Variants in ITGA9 observed in about 807,000 individuals in gnomAD.
ITGA9 encodes integrin subunit alpha 9.
A neutral mutation model predicts 127.8 loss-of-function variants in ITGA9; 56 were observed. That is an observed-to-expected ratio of 0.44 (90% CI 0.35 to 0.55). The LOEUF is 0.55. Among genes scored for constraint, ITGA9 ranks in the 20% least tolerant of loss-of-function variants. The probability of loss-of-function intolerance (pLI) is 0.00; values close to 1 mark genes in which losing one functional copy is unlikely to be tolerated. For synonymous variants in ITGA9, 508 were observed against 514.5 expected, an observed-to-expected ratio of 0.99 and a Z score of 0.17; for missense variants, 1,196 against 1,347.1, an observed-to-expected ratio of 0.89 and a Z score of 1.76.
At chr3:37,513,706 G>A (rs1055005637) in intron 8 of ITGA9, 57 bp from the exon 9 acceptor site, 17 of 1,610,658 alleles carry the variant, frequency 1.1e-5, no homozygotes, top group South Asian at 3.3e-5. Context: ...GAAAGCGAGG[G>A]CATCCTTGTG....
intron 18 of ITGA9, among the ~76,000 whole-genome samples, chr3:37,731,270 T>G (rs1305075712): frequency 6.6e-6 from 1 of 152,110 alleles, no homozygotes; most frequent in African/African-American, 2.4e-5. Context: ...CAGGCTGGAG[T>G]GCAGTGGCAC....
At chr3:37,479,008 C>T (rs541725778) in intron 3 of ITGA9, among the ~76,000 whole-genome samples, 41 of 152,254 alleles carry the variant, frequency 2.7e-4, no homozygotes, top group South Asian at 2.1e-3. Flanking sequence ...GATAAACATC[C>T]GCCTCTTTTC....
At chr3:37,716,719 C>G (rs1176706073) in intron 18 of ITGA9, among the ~76,000 whole-genome samples, 2 of 151,304 alleles carry the variant, frequency 1.3e-5, no homozygotes, top group Non-Finnish European at 2.9e-5. Context: ...TAGATCTTAT[C>G]CATTGCCATA....
chr3:37,512,060 C>G (rs1045665672), intron 8 of ITGA9, among the ~76,000 whole-genome samples: 25 of 51,576 alleles, frequency 4.8e-4, no homozygotes, highest in Admixed American at 1.3e-3. Flanking sequence ...TTCTTTCTTT[C>G]TTTCTTTCTT....
intron 15 of ITGA9, among the ~76,000 whole-genome samples, chr3:37,623,748 T>C (rs1700149773): frequency 6.6e-6 from 1 of 152,046 alleles, no homozygotes; most frequent in Admixed American, 6.6e-5. Context: ...GGGAGGACGG[T>C]TTCAGTAAGT....
At chr3:37,723,973 A>C (rs1253481876) in intron 18 of ITGA9, among the ~76,000 whole-genome samples, 1 of 152,206 alleles carries the variant, frequency 6.6e-6, no homozygotes, top group African/African-American at 2.4e-5. Context: ...TATGTCACTC[A>C]TTGGAAATTA....
At chr3:37,759,136 A>G (rs1009758404) in intron 23 of ITGA9, among the ~76,000 whole-genome samples, 3 of 151,980 alleles carry the variant, frequency 2.0e-5, no homozygotes, top group Admixed American at 2.0e-4. Context: ...TACATGCAAT[A>G]TATATTTTGC....
chr3:37,465,094 G>A (rs927593662), intron 1 of ITGA9, among the ~76,000 whole-genome samples: 4 of 152,242 alleles, frequency 2.6e-5, no homozygotes, highest in Non-Finnish European at 5.9e-5. Context: ...TTAATCCCCA[G>A]TTGCTGTCCT....
At chr3:37,540,815 C>T (rs926481011) in intron 14 of ITGA9, among the ~76,000 whole-genome samples, 7 of 152,192 alleles carry the variant, frequency 4.6e-5, no homozygotes, top group South Asian at 2.1e-4. Context: ...GAGCACTTTC[C>T]TGTATGCATT....
At chr3:37,642,081 G>A (rs955876550) in intron 16 of ITGA9, among the ~76,000 whole-genome samples, 4 of 152,006 alleles carry the variant, frequency 2.6e-5, no homozygotes, top group African/African-American at 9.7e-5. Flanking sequence ...GGGACCACTG[G>A]TGTGTGCCAC....
chr3:37,611,163 C>T (rs543997687), intron 15 of ITGA9, among the ~76,000 whole-genome samples: 22 of 152,268 alleles, frequency 1.4e-4, no homozygotes, highest in Admixed American at 9.8e-4. Context: ...TGCACCAGTG[C>T]CTTCCTATTG....
At chr3:37,648,080 A>T (rs1700396719) in intron 16 of ITGA9, among the ~76,000 whole-genome samples, 1 of 151,786 alleles carries the variant, frequency 6.6e-6, no homozygotes, top group Non-Finnish European at 1.5e-5. Flanking sequence ...TTCTATTTTT[A>T]TTTTTTTTGA....
chr3:37,774,054 G>T (rs2685094), intron 23 of ITGA9, among the ~76,000 whole-genome samples: 149,639 of 152,324 alleles, frequency 0.98, 73,555 homozygotes, highest in Middle Eastern at 1. Context: ...GCCTAATTTA[G>T]TTGAAATGCA....
Position 37,788,912 on chromosome 3 carries a change from A to G in ITGA9, c.2889+3834A>G, listed in dbSNP as rs139011234. Among the ~76,000 whole-genome samples, 507 of 152,252 alleles carry G rather than the reference A, an allele frequency of 3.3e-3. 5 individuals are homozygous for G. Among genetic ancestry groups the G allele is most frequent in the African/African-American group, 0.012 (483 of 41,550 alleles). On this transcript the variant is annotated intron_variant, in intron 26 of 27. Coordinates refer to ENST00000264741, the MANE Select transcript of ITGA9 (RefSeq NM_002207.3). ...CCTGCCTCTGAAGGCCACGGGACTT[A>G]CCTGTTTGTTTGTCAAAGCAGAAAT...
Position 37,821,039 on chromosome 3 carries a change from G to C in ITGA9, c.*2050G>C, listed in dbSNP as rs1229230365. On this transcript the variant is annotated 3_prime_UTR_variant, in exon 28 of 28. Transcript: ENST00000264741. The stretch of plus-strand genomic sequence containing the variant: ...CTGGCATGGAGCAGGTGTGTCTTTT[G>C]GTTTCTTATGCAGTTGACTCTGCTG... 6.6e-6 allele frequency: 1 copy of C among 152,124 alleles called. No individual in the cohort carries two copies. The highest frequency in any genetic ancestry group is 1.5e-5 in the Non-Finnish European group (1 of 68,034). The allele number at this position is 152,124 out of a possible 1,614,324, so 9.4% of individuals were successfully genotyped here.
chr3:37,458,392 G>A (rs1698282943), intron 1 of ITGA9, among the ~76,000 whole-genome samples: 1 of 152,242 alleles, frequency 6.6e-6, no homozygotes. Context: ...TGGGGAAGTT[G>A]GATGGGACAG....
At chr3:37,683,209 A>T (rs1700749864) in intron 17 of ITGA9, among the ~76,000 whole-genome samples, 1 of 152,014 alleles carries the variant, frequency 6.6e-6, no homozygotes, top group African/African-American at 2.4e-5. Context: ...TGCCAGGCAC[A>T]CGCCCACCTC....
rs535574483 is a variant in ITGA9 at position 37,498,543 on chromosome 3, C to T, written c.612+3975C>T. Among the ~76,000 whole-genome samples, 9 of 152,210 alleles carry T rather than the reference C, an allele frequency of 5.9e-5. No individual in the cohort carries two copies. The East Asian group carries it at 1.5e-3, about 26-fold the overall frequency. ...GGTAGCTGTGCAAGCTCAGGGTGAC[C>T]AGAAGAACAGAAGACCTGCTGAAAT... is the stretch of plus-strand genomic sequence containing the variant. On this transcript the variant is annotated intron_variant, in intron 5 of 27. Transcript: ENST00000264741.
At chr3:37,794,795 TG>T (rs1295614233) in intron 26 of ITGA9, among the ~76,000 whole-genome samples, 1 of 152,176 alleles carries the variant, frequency 6.6e-6, no homozygotes, top group Non-Finnish European at 1.5e-5. Flanking sequence ...CTGGCAGGCA[TG>T]GGGCATGTTT....
Sources: gnomAD v4.1 joint callset for allele counts (sites outside exome capture counted in the v4.1 genomes callset) on GRCh38, gnomAD v4.1.1 for gene constraint, MANE v1.5 for transcripts, NCBI Gene and HGNC (gene_info 2026-07-23, HGNC 2026-07-21) for gene names.